The following GNAQ variants were observed in gnomAD, a reference collection of about 807,000 sequenced individuals.
The protein encoded by GNAQ is G protein subunit alpha q, also known as guanine nucleotide-binding protein G(q) subunit alpha.
A neutral mutation model predicts 43.9 loss-of-function variants in GNAQ; 8 were observed. That is an observed-to-expected ratio of 0.18 (90% CI 0.11 to 0.33). The LOEUF (loss-of-function observed/expected upper bound fraction) is 0.33. GNAQ is among the 10% of genes least tolerant of loss of function. The pLI is 1.00. For missense variants in GNAQ, 158 were observed against 450.8 expected (o/e 0.35, Z 5.88); for synonymous variants, 155 against 170.7 (o/e 0.91, Z 0.71).
intron 2 of GNAQ, among the ~76,000 whole-genome samples, chr9:77,832,099 T>TTG (rs1827307601): frequency 1.3e-5 from 2 of 151,808 alleles, no homozygotes; most frequent in South Asian, 4.2e-4. Flanking sequence ...TTTTTTTTTT[T>TTG]TGGCTTTTCC....
At chr9:78,010,221 C>T (rs764054407) in intron 1 of GNAQ, among the ~76,000 whole-genome samples, 3 of 152,104 alleles carry the variant, frequency 2.0e-5, no homozygotes, top group Non-Finnish European at 2.9e-5. Context: ...CAAGAACTCA[C>T]GATGGTTCAT....
chr9:78,008,310 T>G (rs1399284819), intron 1 of GNAQ, among the ~76,000 whole-genome samples: 1 of 152,210 alleles, frequency 6.6e-6, no homozygotes, highest in Non-Finnish European at 1.5e-5. Flanking sequence ...ACATCTGCTG[T>G]GAAGAAGGGC....
At chr9:77,768,957 C>T (rs1455514433) in intron 5 of GNAQ, among the ~76,000 whole-genome samples, 2 of 152,158 alleles carry the variant, frequency 1.3e-5, no homozygotes, top group African/African-American at 4.8e-5. Flanking sequence ...AGATGGCTAG[C>T]ACTGAGAATT....
At chr9:77,951,977 C>T (rs1364076488) in intron 1 of GNAQ, among the ~76,000 whole-genome samples, 1 of 152,224 alleles carries the variant, frequency 6.6e-6, no homozygotes, top group African/African-American at 2.4e-5. Context: ...GGAATGTCTG[C>T]TCCTTACCCT....
At chr9:77,862,568 C>G (rs1312613701) in intron 2 of GNAQ, among the ~76,000 whole-genome samples, 3 of 152,198 alleles carry the variant, frequency 2.0e-5, no homozygotes, top group Non-Finnish European at 2.9e-5. Context: ...AGGGTGCAAA[C>G]AGCAGAAGGA....
chr9:77,878,761 A>G (rs543485378), intron 2 of GNAQ, among the ~76,000 whole-genome samples: 1 of 152,266 alleles, frequency 6.6e-6, no homozygotes, highest in Non-Finnish European at 1.5e-5. Flanking sequence ...AGATGAAGAA[A>G]ATGGCCAGGC....
chr9:77,937,795 G>C, intron 1 of GNAQ, among the ~76,000 whole-genome samples: 1 of 152,192 alleles, frequency 6.6e-6, no homozygotes, highest in African/African-American at 2.4e-5. Flanking sequence ...GGGAGGCTGA[G>C]GCAGGAGAAT....
At chr9:77,948,465 G>A (rs538160746) in intron 1 of GNAQ, among the ~76,000 whole-genome samples, 136 of 152,254 alleles carry the variant, frequency 8.9e-4, no homozygotes, top group Middle Eastern at 3.4e-3. Flanking sequence ...CTCAGAAAGC[G>A]GGGGACCTAG....
intron 1 of GNAQ, among the ~76,000 whole-genome samples, chr9:78,015,592 T>C (rs1161372766): frequency 1.3e-5 from 2 of 152,158 alleles, no homozygotes; most frequent in East Asian, 1.9e-4. Context: ...CACATATGCA[T>C]TTTATGTACC....
chr9:77,819,155 A>AT (rs1827070251), intron 2 of GNAQ, among the ~76,000 whole-genome samples: 1 of 152,188 alleles, frequency 6.6e-6, no homozygotes, highest in Admixed American at 6.6e-5. Context: ...AGCTTTCAGA[A>AT]TTCTTAGCAA....
At chr9:77,735,460 A>G (rs1023854503) in intron 5 of GNAQ, among the ~76,000 whole-genome samples, 3 of 152,202 alleles carry the variant, frequency 2.0e-5, no homozygotes, top group Non-Finnish European at 4.4e-5. Flanking sequence ...CTACTGGGTA[A>G]ATAAATGCAA....
chr9:77,857,110 G>T (rs929010268), intron 2 of GNAQ, among the ~76,000 whole-genome samples: 1 of 152,180 alleles, frequency 6.6e-6, no homozygotes, highest in East Asian at 1.9e-4. Context: ...AGCAAGACAT[G>T]CTAGGCAAGG....
At chr9:77,811,627 C>G (rs1826927189) in intron 3 of GNAQ, among the ~76,000 whole-genome samples, 1 of 152,144 alleles carries the variant, frequency 6.6e-6, no homozygotes, top group South Asian at 2.1e-4. Context: ...AACACAGCAG[C>G]AAATGAGTGA....
At chr9:77,978,466 T>G (rs1281230802) in intron 1 of GNAQ, among the ~76,000 whole-genome samples, 1 of 152,228 alleles carries the variant, frequency 6.6e-6, no homozygotes, top group African/African-American at 2.4e-5. Flanking sequence ...CTCAGGCTTC[T>G]GTCTGCTCTT....
Position 78,031,634 on chromosome 9 carries a change from C to G in GNAQ, c.-399G>C, listed in dbSNP as rs907265583. Among the ~76,000 whole-genome samples the G allele has an allele frequency of 3.4e-5, 5 of 147,712 alleles. No homozygotes were observed. Among genetic ancestry groups the G allele is most frequent in the African/African-American group, 1.2e-4 (5 of 40,910 alleles). ...CTGCGAGGCTCCCCTACGCCGTGCGCCTGGCGGCGAGAGCTCATTCACCGG... is the reference window on the plus strand; with the variant it reads ...CTGCGAGGCTCCCCTACGCCGTGCGGCTGGCGGCGAGAGCTCATTCACCGG... On this transcript the variant is annotated 5_prime_UTR_variant, in exon 1 of 7. Coordinates refer to ENST00000286548, the MANE Select transcript of GNAQ (RefSeq NM_002072.5).
At chr9:77,864,168 CTTTTTT>C (rs113840423) in intron 2 of GNAQ, among the ~76,000 whole-genome samples, 4 of 131,390 alleles carry the variant, frequency 3.0e-5, no homozygotes, top group African/African-American at 1.1e-4. Flanking sequence ...AGGTGCCAGG[CTTTTTT>C]TTTTTTTTTT....
At chr9:77,960,913 A>G (rs1273670969) in intron 1 of GNAQ, among the ~76,000 whole-genome samples, 1 of 152,190 alleles carries the variant, frequency 6.6e-6, no homozygotes, top group East Asian at 1.9e-4. Context: ...ATCATTTTGT[A>G]CAAGCAACCA....
At chr9:78,029,559 C>A (rs544149616) in intron 1 of GNAQ, among the ~76,000 whole-genome samples, 33 of 152,230 alleles carry the variant, frequency 2.2e-4, no homozygotes, top group African/African-American at 7.7e-4. Flanking sequence ...AGTGCTTTTG[C>A]CTTCTGCTTT....
chr9:77,889,803 T>C (rs951729143), intron 2 of GNAQ, among the ~76,000 whole-genome samples: 24 of 152,230 alleles, frequency 1.6e-4, no homozygotes, highest in African/African-American at 5.8e-4. Flanking sequence ...ACTATCTTTA[T>C]ACCTGTTCTT....
Sources: allele counts gnomAD v4.1 joint callset (sites outside exome capture counted in the v4.1 genomes callset), GRCh38; gene constraint gnomAD v4.1.1; transcripts MANE v1.5; gene names NCBI Gene and HGNC (gene_info 2026-07-23, HGNC 2026-07-21).